Variants in NRXN1 observed in about 807,000 individuals in gnomAD.
NRXN1 encodes neurexin 1.
Under a neutral mutation model 150.9 loss-of-function variants are expected in NRXN1, and 39 were observed. The ratio of observed to expected loss-of-function variants is 0.26; its 90% CI spans 0.20 to 0.34. The LOEUF (loss-of-function observed/expected upper bound fraction) is 0.34, where lower values mean the gene tolerates loss of function less well. Ranked by LOEUF, NRXN1 falls within the 10% of genes least tolerant of loss-of-function variation. NRXN1 has a pLI of 1.00. For synonymous variants in NRXN1, 924 were observed against 757.0 expected (o/e 1.22, Z -3.62); for missense variants, 1,815 against 1,949.9 (o/e 0.93, Z 1.30).
chr2:50,721,414 T>A (rs148157535), intron 5 of NRXN1, among the ~76,000 whole-genome samples: 158 of 152,330 alleles, frequency 1.0e-3, no homozygotes, highest in African/African-American at 3.7e-3. Context: ...TACCCTTTAC[T>A]AACAACAAAT....
intron 17 of NRXN1, among the ~76,000 whole-genome samples, chr2:50,340,669 A>G (rs557317957): frequency 6.6e-6 from 1 of 152,294 alleles, no homozygotes; most frequent in East Asian, 1.9e-4. Flanking sequence ...TGATCAAAGG[A>G]AACTTAGAAT....
rs533559246 is a variant in NRXN1, at chr2:50,447,165, C to T, written c.3364+18277G>A. On this transcript the variant is annotated intron_variant, in intron 17 of 22. Coordinates refer to ENST00000401669, the MANE Select transcript of NRXN1 (RefSeq NM_001330078.2). ...TATAAATTTTGACATTTTTTCTGGC[C>T]CTTCCACAGATTTAAAAAGCAATGC... Among the ~76,000 whole-genome samples the T allele has an allele frequency of 5.9e-5, 9 of 151,916 alleles. No individual in the cohort carries two copies. In the South Asian group the frequency reaches 1.9e-3, roughly 32 times the overall value.
intron 18 of NRXN1, among the ~76,000 whole-genome samples, chr2:50,186,760 T>C (rs1191630284): frequency 6.6e-6 from 1 of 152,032 alleles, no homozygotes; most frequent in African/African-American, 2.4e-5. Context: ...ATAATATTCA[T>C]ATATTTTATT....
At chr2:50,211,166 C>T (rs1035912680) in intron 18 of NRXN1, among the ~76,000 whole-genome samples, 27 of 151,514 alleles carry the variant, frequency 1.8e-4, no homozygotes, top group Non-Finnish European at 3.0e-5. Context: ...AGGGAAGTTC[C>T]TCTTATACCT....
intron 2 of NRXN1, among the ~76,000 whole-genome samples, chr2:51,002,532 T>G (rs2105103829): frequency 6.6e-6 from 1 of 152,046 alleles, no homozygotes; most frequent in South Asian, 2.1e-4. Context: ...AAACACACAT[T>G]TATTTTCCAG....
intron 10 of NRXN1, among the ~76,000 whole-genome samples, chr2:50,534,010 CT>C (rs2093187996): frequency 6.6e-6 from 1 of 151,980 alleles, no homozygotes; most frequent in African/African-American, 2.4e-5. Flanking sequence ...AGATCAGTCT[CT>C]CATATGCATT....
intron 5 of NRXN1, among the ~76,000 whole-genome samples, chr2:50,905,935 C>T (rs951355878): frequency 2.0e-5 from 3 of 152,056 alleles, no homozygotes; most frequent in African/African-American, 4.8e-5. Flanking sequence ...ATGATTTAGA[C>T]AGTCTATTAA....
chr2:50,539,907 T>C (rs1003962496), intron 9 of NRXN1, among the ~76,000 whole-genome samples: 1 of 151,862 alleles, frequency 6.6e-6, no homozygotes, highest in Non-Finnish European at 1.5e-5. Context: ...GAGACACATT[T>C]TAGTTGCTAC....
At chr2:50,610,754 T>A (rs917074532) in intron 8 of NRXN1, among the ~76,000 whole-genome samples, 10 of 127,948 alleles carry the variant, frequency 7.8e-5, no homozygotes, top group African/African-American at 1.1e-4. Flanking sequence ...GTAATTATAT[T>A]TATATATATA....
intron 5 of NRXN1, among the ~76,000 whole-genome samples, chr2:50,707,409 G>T (rs1423530826): frequency 2.0e-5 from 3 of 152,188 alleles, no homozygotes; most frequent in Non-Finnish European, 4.4e-5. Flanking sequence ...CTTGGCGGTA[G>T]AAATGTGAGT....
At chr2:50,712,701 C>G (rs1695333821) in intron 5 of NRXN1, among the ~76,000 whole-genome samples, 1 of 152,138 alleles carries the variant, frequency 6.6e-6, no homozygotes, top group Non-Finnish European at 1.5e-5. Flanking sequence ...CCCTTTAACT[C>G]TCATATGCAG....
In NRXN1 at chr2:50,278,932, T is replaced by C. The variant is rs375486312; in HGVS notation, c.3365-41962A>G. On this transcript the variant is annotated intron_variant, in intron 17 of 22. Coordinates refer to ENST00000401669, the MANE Select transcript of NRXN1 (RefSeq NM_001330078.2). Reference sequence around the variant, plus strand: ...ATTACAAATAAAGCACCTCTTAAAATATTAATTCCTAAAATAAAAATGACA... The same window carrying C: ...ATTACAAATAAAGCACCTCTTAAAACATTAATTCCTAAAATAAAAATGACA... Among the ~76,000 whole-genome samples the C allele has an allele frequency of 2.0e-4, 30 of 152,330 alleles. No homozygotes were observed. In the East Asian group the frequency reaches 4.0e-3, roughly 21 times the overall value.
chr2:50,516,270 G>A (rs1416828112), intron 12 of NRXN1, among the ~76,000 whole-genome samples: 3 of 152,300 alleles, frequency 2.0e-5, no homozygotes, highest in African/African-American at 7.2e-5. Context: ...CAAGATGGTA[G>A]CAGTGGAGCA....
chr2:50,419,734 C>G (rs1309560888), intron 17 of NRXN1, among the ~76,000 whole-genome samples: 1 of 151,992 alleles, frequency 6.6e-6, no homozygotes, highest in Non-Finnish European at 1.5e-5. Flanking sequence ...AATGTAAAAA[C>G]ATTAAAACAA....
In NRXN1 at chr2:50,920,362, C is replaced by A. The variant is rs189799983; in HGVS notation, c.832+1507G>T. On this transcript the variant is annotated intron_variant, in intron 5 of 22. Transcript: ENST00000401669. ...TTAAGTACACCAAAACAAATATCAGCTGAGTATAAACATGAACTATTCCAT... is the reference window on the plus strand; with the variant it reads ...TTAAGTACACCAAAACAAATATCAGATGAGTATAAACATGAACTATTCCAT... 1.1e-4 allele frequency among the ~76,000 whole-genome samples: 17 copies of A among 151,748 alleles called. No individual in the cohort carries two copies. The East Asian group carries it at 3.3e-3, about 30-fold the overall frequency.
intron 5 of NRXN1, among the ~76,000 whole-genome samples, chr2:50,811,066 AG>A (rs1295300369): frequency 1.4e-4 from 22 of 152,192 alleles, no homozygotes; most frequent in Admixed American, 3.9e-4. Flanking sequence ...AAAGAATTAT[AG>A]GGGGAAGAGT....
intron 2 of NRXN1, among the ~76,000 whole-genome samples, chr2:50,930,512 A>C (rs977595779): frequency 4.7e-4 from 71 of 152,128 alleles, no homozygotes; most frequent in Non-Finnish European, 4.3e-4. Flanking sequence ...TTATAATATA[A>C]ATCGAATGAC....
chr2:49,949,584 TA>T (rs753563281), intron 21 of NRXN1, among the ~76,000 whole-genome samples: 1 of 151,302 alleles, frequency 6.6e-6, no homozygotes. Flanking sequence ...AATTGTAAAA[TA>T]GGATATTCAT....
In NRXN1 at chr2:50,075,590, C is replaced by T. The variant is rs558014659; in HGVS notation, c.3718+15733G>A. ...AGGAGGTGACAAATGTTCCAGATTG[C>T]CTCAAATATCTTGGTTTGTTCCTAT... On this transcript the variant is annotated intron_variant, in intron 19 of 22. Transcript: ENST00000401669. Among the ~76,000 whole-genome samples, 8 of 152,268 alleles carry T rather than the reference C, an allele frequency of 5.3e-5. No individual in the cohort carries two copies. In the East Asian group the frequency reaches 1.5e-3, roughly 29 times the overall value.
Sources: allele counts gnomAD v4.1 joint callset (sites outside exome capture counted in the v4.1 genomes callset), GRCh38; gene constraint gnomAD v4.1.1; transcripts MANE v1.5; gene names NCBI Gene and HGNC (gene_info 2026-07-23, HGNC 2026-07-21).